The following ANO10 variants were observed in gnomAD, a reference collection of about 807,000 sequenced individuals.
The protein encoded by ANO10 is anoctamin-10.
In ANO10, 77 loss-of-function variants were observed where a neutral mutation model predicts 74.7. That is an observed-to-expected ratio of 1.03 (90% CI 0.86 to 1.25). The LOEUF is 1.25. Among genes scored for constraint, ANO10 ranks in the 50% most tolerant of loss-of-function variants. The pLI, the probability that ANO10 is intolerant of heterozygous loss-of-function variation, is 0.00. For synonymous variants in ANO10, 279 were observed against 284.9 expected (o/e 0.98, Z 0.21); for missense variants, 721 against 778.1 (o/e 0.93, Z 0.87).
At chr3:43,478,203 T>C (rs1263855665) in intron 11 of ANO10, among the ~76,000 whole-genome samples, 1 of 152,210 alleles carries the variant, frequency 6.6e-6, no homozygotes, top group Non-Finnish European at 1.5e-5. Context: ...AGTGAGGTTC[T>C]GGAGATGGAA....
At chr3:43,689,085 A>G (rs1383809933) in intron 1 of ANO10, among the ~76,000 whole-genome samples, 2 of 152,188 alleles carry the variant, frequency 1.3e-5, no homozygotes, top group Admixed American at 1.3e-4. Context: ...ACAAGAACTT[A>G]CTATTGCAAG....
At chr3:43,394,087 T>C (rs958825222) in intron 12 of ANO10, among the ~76,000 whole-genome samples, 9 of 152,146 alleles carry the variant, frequency 5.9e-5, no homozygotes, top group African/African-American at 2.2e-4. Context: ...GGGGGAAGTT[T>C]AGGGTGGCTG....
At chr3:43,386,545 T>G (rs1462697173) in intron 12 of ANO10, among the ~76,000 whole-genome samples, 1 of 152,100 alleles carries the variant, frequency 6.6e-6, no homozygotes, top group Non-Finnish European at 1.5e-5. Context: ...TCTCTGCAGG[T>G]GGGCTCATTC....
At chr3:43,465,452 G>A (rs1206293133) in intron 11 of ANO10, among the ~76,000 whole-genome samples, 1 of 152,088 alleles carries the variant, frequency 6.6e-6, no homozygotes, top group Non-Finnish European at 1.5e-5. Context: ...CATATAAAAG[G>A]TACAGTAAAA....
At chr3:43,433,799 C>A (rs947331040) in intron 11 of ANO10, among the ~76,000 whole-genome samples, 1 of 152,132 alleles carries the variant, frequency 6.6e-6, no homozygotes, top group Non-Finnish European at 1.5e-5. Flanking sequence ...AGAATCAACA[C>A]CCACAGAAAT....
chr3:43,689,274 A>C (rs7623007), intron 1 of ANO10: 89,584 of 152,022 alleles, frequency 0.59, 30,179 homozygotes, highest in East Asian at 0.75. Context: ...AGGTCAAAAC[A>C]ACCTTAGTCT....
At chr3:43,458,836 G>A (rs1029368383) in intron 11 of ANO10, among the ~76,000 whole-genome samples, 1 of 152,138 alleles carries the variant, frequency 6.6e-6, no homozygotes, top group Non-Finnish European at 1.5e-5. Flanking sequence ...AGGCCCGGGT[G>A]TGTGATATTC....
chr3:43,376,236 C>T (rs146680269), intron 12 of ANO10, among the ~76,000 whole-genome samples: 6 of 152,354 alleles, frequency 3.9e-5, no homozygotes, highest in Admixed American at 3.9e-4. Context: ...AGCCATATCT[C>T]CTCCACTGGA....
intron 11 of ANO10, among the ~76,000 whole-genome samples, chr3:43,532,403 G>T (rs2078510814): frequency 6.6e-6 from 1 of 152,168 alleles, no homozygotes; most frequent in Admixed American, 6.5e-5. Flanking sequence ...ATGCAGGGAG[G>T]AGTAGATAGA....
intron 11 of ANO10, among the ~76,000 whole-genome samples, chr3:43,489,136 C>A (rs572281169): frequency 1.7e-3 from 226 of 131,332 alleles, no homozygotes; most frequent in African/African-American, 6.1e-3. Flanking sequence ...CACCTGGACA[C>A]AGGAAGGGGA....
At chr3:43,645,156 C>T (rs2083712939) in intron 1 of ANO10, among the ~76,000 whole-genome samples, 1 of 152,184 alleles carries the variant, frequency 6.6e-6, no homozygotes, top group South Asian at 2.1e-4. Context: ...TGATTATCCT[C>T]CTTATTCACT....
At chr3:43,591,452 T>A (rs751094285) in intron 4 of ANO10, among the ~76,000 whole-genome samples, 9 of 152,102 alleles carry the variant, frequency 5.9e-5, no homozygotes, top group Non-Finnish European at 1.3e-4. Context: ...GGCCCAAGGA[T>A]CCATTCCTTG....
chr3:43,614,162 T>G (rs749690530), intron 1 of ANO10, among the ~76,000 whole-genome samples: 4 of 152,200 alleles, frequency 2.6e-5, no homozygotes, highest in Non-Finnish European at 5.9e-5. Context: ...TTTTGAACAT[T>G]TATGCATTGT....
chr3:43,545,602 G>A (rs1052864362), intron 11 of ANO10, among the ~76,000 whole-genome samples: 1 of 152,218 alleles, frequency 6.6e-6, no homozygotes, highest in East Asian at 1.9e-4. Flanking sequence ...CTGACCTCAG[G>A]TGATCTGCCC....
intron 11 of ANO10, among the ~76,000 whole-genome samples, chr3:43,471,643 A>G (rs2075862780): frequency 6.6e-6 from 1 of 152,182 alleles, no homozygotes; most frequent in Non-Finnish European, 1.5e-5. Context: ...AAAAGAAAAC[A>G]AAGCAAGCTG....
At chr3:43,667,072 G>GTTTTTTTTTT (rs55764466) in intron 1 of ANO10, among the ~76,000 whole-genome samples, 4 of 56,138 alleles carry the variant, frequency 7.1e-5, no homozygotes, top group Non-Finnish European at 9.4e-5. Context: ...TACAATGCAT[G>GTTTTTTTTTT]TTTTTTTTTT....
At position 43,689,902 on chromosome 3, in the gene ANO10, G is replaced by A. The variant is rs531181825; in HGVS notation, c.-12+1615C>T. Among the ~76,000 whole-genome samples, 95 of 152,302 alleles carry A rather than the reference G, an allele frequency of 6.2e-4. 1 individual carries two copies. The highest frequency in any genetic ancestry group is 2.0e-3 in the African/African-American group (84 of 41,554). ...GCACCTAGAACAAAGTGAGCCCATA[G>A]TAGACACACACCAAACATAAATGGA... is the stretch of plus-strand genomic sequence containing the variant. On this transcript the variant is annotated intron_variant, in intron 1 of 3. Transcript: ENST00000413397.
intron 1 of ANO10, chr3:43,690,827 A>T: frequency 1.7e-6 from 1 of 584,152 alleles, no homozygotes; most frequent in Non-Finnish European, 2.6e-6. Flanking sequence ...GCCGGAGGCA[A>T]GGCCGCGCAC....
chr3:43,607,220 A>C (rs549981114), intron 1 of ANO10, among the ~76,000 whole-genome samples: 1 of 152,132 alleles, frequency 6.6e-6, no homozygotes, highest in East Asian at 1.9e-4. Context: ...AAGCCAACTA[A>C]GCTGGACATG....
Sources: allele counts gnomAD v4.1 joint callset (sites outside exome capture counted in the v4.1 genomes callset), GRCh38; gene constraint gnomAD v4.1.1; transcripts MANE v1.5; gene names NCBI Gene and HGNC (gene_info 2026-07-23, HGNC 2026-07-21).